Variants in TBC1D14 observed in about 807,000 individuals in gnomAD.
The protein encoded by TBC1D14 is TBC1 domain family, member 14.
Under a neutral mutation model 79.0 loss-of-function variants are expected in TBC1D14, and 26 were observed. The ratio of observed to expected loss-of-function variants is 0.33; its 90% confidence interval spans 0.24 to 0.46. The LOEUF (loss-of-function observed/expected upper bound fraction) is 0.46, where lower values mean the gene tolerates loss of function less well. TBC1D14 is among the 20% of genes least tolerant of loss of function. The pLI is 1.00. For synonymous variants in TBC1D14, 394 were observed against 349.9 expected (o/e 1.13, Z -1.40); for missense variants, 769 against 887.6 (o/e 0.87, Z 1.70).
rs180821338 is a variant in TBC1D14 at position 7,010,974 on chromosome 4, G to A, written c.1647+193G>A. 2.0e-5 allele frequency among the ~76,000 whole-genome samples: 3 copies of A among 152,346 alleles called. No individual in the cohort carries two copies. In the East Asian group the frequency reaches 5.8e-4, roughly 29 times the overall value. On this transcript the variant is annotated intron_variant, in intron 11 of 13. Transcript: ENST00000409757. Reference sequence around the variant, plus strand: ...ATGGAAGCTGAAAAAGACACGGTTAGTAGCCGTATGTCTGGGTTTCTTAAT... The same window carrying A: ...ATGGAAGCTGAAAAAGACACGGTTAATAGCCGTATGTCTGGGTTTCTTAAT...
intron 2 of TBC1D14, among the ~76,000 whole-genome samples, chr4:6,944,089 G>A (rs1219552604): frequency 2.0e-5 from 3 of 152,074 alleles, no homozygotes; most frequent in Non-Finnish European, 4.4e-5. Flanking sequence ...GTTTCTTAAA[G>A]CTTCTCTTTG....
Position 7,030,508 on chromosome 4 carries a change from C to G in TBC1D14, c.*116C>G. ...GAACAGACGCTCTTTAAGTTTGATT[C>G]CTAACACTGGAGTTGGCCTTAAACA... On this transcript the variant is annotated 3_prime_UTR_variant, in exon 14 of 14. Coordinates refer to ENST00000409757, the MANE Select transcript of TBC1D14 (RefSeq NM_020773.3). The G allele has an allele frequency of 9.6e-7, 1 of 1,043,872 alleles. No homozygotes were observed. Among genetic ancestry groups the G allele is most frequent in the East Asian group, 2.7e-5 (1 of 37,728 alleles). The allele number at this position is 1,043,872 out of a possible 1,614,324, so 64.7% of individuals were successfully genotyped here. A position where few individuals can be genotyped will look rare whatever the true frequency, so the allele number is the denominator to read the frequency against.
chr4:6,921,553 C>A (rs1297094530), intron 1 of TBC1D14, among the ~76,000 whole-genome samples: 1 of 151,046 alleles, frequency 6.6e-6, no homozygotes, highest in African/African-American at 2.4e-5. Context: ...TGAAATGGAG[C>A]CTCGCCCTGT....
chr4:6,952,482 A>G (rs1430523149), intron 2 of TBC1D14, among the ~76,000 whole-genome samples: 1 of 152,102 alleles, frequency 6.6e-6, no homozygotes, highest in Non-Finnish European at 1.5e-5. Context: ...GCTCAGGACC[A>G]CTCTCTGCCA....
chr4:6,990,615 G>C (rs1718391064), intron 3 of TBC1D14, among the ~76,000 whole-genome samples: 1 of 152,186 alleles, frequency 6.6e-6, no homozygotes, highest in Non-Finnish European at 1.5e-5. Flanking sequence ...ATGCAGAGAT[G>C]GAACTTGGGA....
At chr4:7,010,389 C>G (rs1720631208) in intron 10 of TBC1D14, among the ~76,000 whole-genome samples, 1 of 151,138 alleles carries the variant, frequency 6.6e-6, no homozygotes, top group Admixed American at 6.6e-5. Context: ...TTCAGATGCT[C>G]TGGGCCTAAG....
chr4:6,951,934 G>A (rs1017693536), intron 2 of TBC1D14, among the ~76,000 whole-genome samples: 4 of 152,130 alleles, frequency 2.6e-5, no homozygotes, highest in Non-Finnish European at 4.4e-5. Context: ...ATGGGAACAC[G>A]AGGCTGCAGG....
chr4:6,993,305 C>G (rs1482253210), intron 3 of TBC1D14, among the ~76,000 whole-genome samples: 4 of 152,132 alleles, frequency 2.6e-5, no homozygotes, highest in Non-Finnish European at 4.4e-5. Flanking sequence ...AGCGAAGTAC[C>G]TACACATTAT....
chr4:6,912,379 AAAAAAT>A (rs1224181260), intron 1 of TBC1D14, among the ~76,000 whole-genome samples: 4 of 152,128 alleles, frequency 2.6e-5, no homozygotes, highest in Non-Finnish European at 5.9e-5. Context: ...ACTCCGTCTC[AAAAAAT>A]AAAAATAAAA....
intron 2 of TBC1D14, among the ~76,000 whole-genome samples, chr4:6,963,954 C>T (rs1008631544): frequency 2.0e-5 from 3 of 152,044 alleles, no homozygotes; most frequent in Non-Finnish European, 2.9e-5. Flanking sequence ...TGCGCCACCA[C>T]GCCTGGCTAA....
rs1462671861 is a variant in TBC1D14 at position 6,924,088 on chromosome 4, G to T, written c.699G>T (p.Gly233=). ...AGGGGAGTAAATTGAAAATATTGGGGCCATTTAGTAACTTCTTTGCAAGGT... is the reference window on the plus strand; with the variant it reads ...AGGGGAGTAAATTGAAAATATTGGGTCCATTTAGTAACTTCTTTGCAAGGT... ...AEEGSKLKIL[G]PFSNFFARNL... is the part of the protein sequence containing the mutation. Residue 233 remains glycine, a synonymous_variant, in exon 2 of 14, where the codon GGG becomes GGT. Transcript: ENST00000409757. The T allele has an allele frequency of 6.2e-7, 1 of 1,612,636 alleles. No individual in the cohort carries two copies. Among genetic ancestry groups the T allele is most frequent in the Non-Finnish European group, 8.5e-7 (1 of 1,179,462 alleles).
intron 12 of TBC1D14, among the ~76,000 whole-genome samples, chr4:7,016,710 C>G (rs1387774373): frequency 6.6e-6 from 1 of 152,192 alleles, no homozygotes; most frequent in South Asian, 2.1e-4. Context: ...GTGAAGCATT[C>G]TGAAATATTG....
intron 2 of TBC1D14, among the ~76,000 whole-genome samples, chr4:6,955,582 T>C (rs1325708758): frequency 6.6e-6 from 1 of 152,324 alleles, no homozygotes; most frequent in Middle Eastern, 3.4e-3. Flanking sequence ...CTCAGCTGGC[T>C]TCTGATTGCT....
intron 3 of TBC1D14, among the ~76,000 whole-genome samples, chr4:6,984,618 A>G (rs1239209079): frequency 6.6e-6 from 1 of 152,192 alleles, no homozygotes; most frequent in East Asian, 1.9e-4. Context: ...TTCCCTCCTG[A>G]GACTTCACAG....
intron 2 of TBC1D14, among the ~76,000 whole-genome samples, chr4:6,945,248 C>CT (rs1163504767): frequency 6.6e-6 from 1 of 152,098 alleles, no homozygotes; most frequent in Non-Finnish European, 1.5e-5. Context: ...CTTTAGAAGC[C>CT]TGCTGGGTTA....
intron 3 of TBC1D14, among the ~76,000 whole-genome samples, chr4:6,981,048 T>C (rs888288319): frequency 1.5e-5 from 2 of 132,890 alleles, no homozygotes; most frequent in Non-Finnish European, 1.6e-5. Flanking sequence ...TTTTAAAGAC[T>C]GAGTCTTGCT....
chr4:6,928,294 G>A (rs774206479), intron 2 of TBC1D14, among the ~76,000 whole-genome samples: 13 of 152,282 alleles, frequency 8.5e-5, no homozygotes, highest in Admixed American at 8.5e-4. Flanking sequence ...GGATTTTTCC[G>A]GACCACTTCC....
intron 1 of TBC1D14, among the ~76,000 whole-genome samples, chr4:6,920,042 G>A (rs905272749): frequency 1.3e-5 from 2 of 151,970 alleles, no homozygotes; most frequent in Admixed American, 6.6e-5. Context: ...AGCCTTCTCA[G>A]TAGCCGGGAC....
intron 13 of TBC1D14, among the ~76,000 whole-genome samples, chr4:7,028,690 G>T (rs1722724859): frequency 6.6e-6 from 1 of 152,160 alleles, no homozygotes; most frequent in African/African-American, 2.4e-5. Flanking sequence ...CTCCCAAAGT[G>T]CTGGGATTAT....
Sources: gnomAD v4.1 joint callset for allele counts (sites outside exome capture counted in the v4.1 genomes callset) on GRCh38, gnomAD v4.1.1 for gene constraint, MANE v1.5 for transcripts, NCBI Gene and HGNC (gene_info 2026-07-23, HGNC 2026-07-21) for gene names.